The following KIAA0825 variants were observed in gnomAD, a reference collection of about 807,000 sequenced individuals.
The protein encoded by KIAA0825 is uncharacterized protein KIAA0825.
A neutral mutation model predicts 147.6 loss-of-function variants in KIAA0825; 119 were observed. That is an observed-to-expected ratio of 0.81 (90% CI 0.69 to 0.94). The LOEUF (loss-of-function observed/expected upper bound fraction) is 0.94, where lower values mean the gene tolerates loss of function less well. Among genes scored for constraint, KIAA0825 ranks in the 40% least tolerant of loss-of-function variants. The pLI is 0.00. For synonymous variants in KIAA0825, 470 were observed against 518.1 expected (o/e 0.91, Z 1.26); for missense variants, 1,381 against 1,472.7 (o/e 0.94, Z 1.02).
intron 13 of KIAA0825, among the ~76,000 whole-genome samples, chr5:94,448,095 A>G (rs1367520714): frequency 6.6e-6 from 1 of 151,614 alleles, no homozygotes; most frequent in African/African-American, 2.4e-5. Flanking sequence ...GAACATTTCT[A>G]TGAATGCACA....
At chr5:94,540,847 G>C (rs1248347687) in intron 2 of KIAA0825, among the ~76,000 whole-genome samples, 3 of 152,098 alleles carry the variant, frequency 2.0e-5, no homozygotes, top group African/African-American at 7.2e-5. Context: ...ATTTGTTTTG[G>C]AGCATTAGAC....
chr5:94,396,986 A>G (rs959208724), intron 16 of KIAA0825, among the ~76,000 whole-genome samples: 4 of 151,144 alleles, frequency 2.6e-5, no homozygotes, highest in East Asian at 3.9e-4. Flanking sequence ...TTGCCTCACC[A>G]TCTTATCTCA....
chr5:94,255,707 CTTTTTTTTTTTTTTTTT>C (rs57646287), intron 20 of KIAA0825, among the ~76,000 whole-genome samples: 1 of 47,816 alleles, frequency 2.1e-5, no homozygotes, highest in South Asian at 7.6e-4. Flanking sequence ...AGAATTATGG[CTTTTTTTTTTTTTTTTT>C]TTTTTTTTTT....
rs369017925 is a variant in KIAA0825 at position 94,363,507 on chromosome 5, G to A, written c.3710+20861C>T. 5.3e-5 allele frequency among the ~76,000 whole-genome samples: 8 copies of A among 152,216 alleles called. No homozygotes were observed. In the South Asian group the frequency reaches 1.7e-3, roughly 32 times the overall value. On this transcript the variant is annotated intron_variant, in intron 20 of 20. Coordinates refer to ENST00000682413, the MANE Select transcript of KIAA0825 (RefSeq NM_001145678.3). ...GATTATAAGGTGAGGCAGAGCAAGA[G>A]GTTAGCAACTTTTACTTTATACAAC...
At chr5:94,466,049 C>T (rs776505048) in intron 10 of KIAA0825, among the ~76,000 whole-genome samples, 1 of 151,976 alleles carries the variant, frequency 6.6e-6, no homozygotes, top group Non-Finnish European at 1.5e-5. Flanking sequence ...TAAAATTTCC[C>T]ATTATATTCC....
intron 3 of KIAA0825, among the ~76,000 whole-genome samples, chr5:94,525,893 G>A (rs1202846507): frequency 1.3e-5 from 2 of 151,952 alleles, no homozygotes; most frequent in Non-Finnish European, 2.9e-5. Flanking sequence ...GGGATTGAGT[G>A]GTTGCATTTC....
chr5:94,606,189 A>G (rs138252840), intron 1 of KIAA0825, among the ~76,000 whole-genome samples: 77 of 152,320 alleles, frequency 5.1e-4, no homozygotes, highest in African/African-American at 1.8e-3. Context: ...CTAAAAATAC[A>G]GTTAACCAAG....
chr5:94,326,519 A>T (rs545695444), intron 20 of KIAA0825, among the ~76,000 whole-genome samples: 15 of 152,282 alleles, frequency 9.9e-5, no homozygotes, highest in African/African-American at 3.6e-4. Context: ...CTCACTGACT[A>T]AGGCAATTGA....
chr5:94,491,038 T>G (rs1584665299), intron 5 of KIAA0825, among the ~76,000 whole-genome samples: 1 of 152,162 alleles, frequency 6.6e-6, no homozygotes, highest in Non-Finnish European at 1.5e-5. Context: ...ATAATAGTGG[T>G]AAGATACAAG....
At chr5:94,219,279 A>G (rs960144511) in intron 20 of KIAA0825, among the ~76,000 whole-genome samples, 1 of 152,116 alleles carries the variant, frequency 6.6e-6, no homozygotes, top group Non-Finnish European at 1.5e-5. Flanking sequence ...TCGCATGCAC[A>G]GTTAACAACA....
At chr5:94,347,148 G>A (rs931091072) in intron 20 of KIAA0825, among the ~76,000 whole-genome samples, 1 of 152,038 alleles carries the variant, frequency 6.6e-6, no homozygotes, top group Non-Finnish European at 1.5e-5. Flanking sequence ...CAGCAGCCTC[G>A]GTAAGACCCA....
intron 20 of KIAA0825, among the ~76,000 whole-genome samples, chr5:94,173,737 A>G (rs1407771719): frequency 1.3e-5 from 2 of 152,210 alleles, no homozygotes; most frequent in Non-Finnish European, 2.9e-5. Flanking sequence ...TTAAAATAGT[A>G]TATGGGTGGG....
In KIAA0825 at chr5:94,403,737, T is replaced by G; in HGVS notation, c.2719A>C (p.Thr907Pro). 5 of 1,551,558 alleles carry G rather than the reference T, an allele frequency of 3.2e-6. No individual in the cohort carries two copies. Among genetic ancestry groups the G allele is most frequent in the Non-Finnish European group, 4.4e-6 (5 of 1,146,894 alleles). The change falls in exon 16 of 21, where the codon ACC (threonine) becomes CCC (proline). Residue 907 changes from threonine to proline, a missense_variant. Transcript: ENST00000682413. ...TGTACAGTGTCCTTGATGGCATCGG[T>G]CAGTGCCAGTCTCAAGCATCGGATG... ...EVIRCLRLAL[T>P]DAIKDTVQQI...
intron 1 of KIAA0825, chr5:94,611,981 T>TGA (rs1788936752): frequency 6.6e-6 from 1 of 152,038 alleles, no homozygotes; most frequent in African/African-American, 2.4e-5. Context: ...ATTTACACTA[T>TGA]ATTTATAGGC....
At chr5:94,160,851 C>T (rs939801520) in intron 20 of KIAA0825, among the ~76,000 whole-genome samples, 22 of 152,054 alleles carry the variant, frequency 1.4e-4, no homozygotes, top group African/African-American at 5.3e-4. Flanking sequence ...CCACATTGTA[C>T]AGTGCAGACT....
At chr5:94,157,611 C>T (rs916428794) in intron 20 of KIAA0825, among the ~76,000 whole-genome samples, 1 of 152,192 alleles carries the variant, frequency 6.6e-6, no homozygotes, top group Admixed American at 6.5e-5. Context: ...GCCTGCTACT[C>T]TGTATATTTT....
intron 20 of KIAA0825, among the ~76,000 whole-genome samples, chr5:94,289,428 G>T (rs1459728564): frequency 1.3e-5 from 2 of 151,698 alleles, no homozygotes; most frequent in Admixed American, 1.3e-4. Flanking sequence ...CCAGCTACTT[G>T]GGAGGCTGAG....
chr5:94,169,543 C>T (rs1219585179), intron 20 of KIAA0825, among the ~76,000 whole-genome samples: 1 of 146,316 alleles, frequency 6.8e-6, no homozygotes, highest in African/African-American at 2.6e-5. Flanking sequence ...GGTGGTGCCA[C>T]TGCAGTCCAG....
intron 20 of KIAA0825, among the ~76,000 whole-genome samples, chr5:94,189,948 T>C (rs1050760898): frequency 1.3e-5 from 2 of 152,234 alleles, no homozygotes; most frequent in African/African-American, 4.8e-5. Flanking sequence ...TTACTTTTTT[T>C]GCAATGTTTT....
Sources: gnomAD v4.1 joint callset for allele counts (sites outside exome capture counted in the v4.1 genomes callset) on GRCh38, gnomAD v4.1.1 for gene constraint, MANE v1.5 for transcripts, NCBI Gene and HGNC (gene_info 2026-07-23, HGNC 2026-07-21) for gene names.